Variants in BBS2 observed in about 807,000 individuals in gnomAD.
BBS2 encodes Bardet-Biedl syndrome 2, also known as BBSome complex member BBS2.
A neutral mutation model predicts 83.0 loss-of-function variants in BBS2; 62 were observed. The ratio of observed to expected loss-of-function variants is 0.75; its 90% CI spans 0.61 to 0.92. BBS2 has a LOEUF of 0.92. BBS2 is among the 40% of genes least tolerant of loss of function. The probability of loss-of-function intolerance (pLI) is 0.00; values close to 1 mark genes in which losing one functional copy is unlikely to be tolerated. For synonymous variants in BBS2, 303 were observed against 326.1 expected (o/e 0.93, Z 0.76); for missense variants, 784 against 901.0 (o/e 0.87, Z 1.66).
chr16:56,473,943 AT>A (rs1233897701), intron 17 of BBS2, among the ~76,000 whole-genome samples: 5 of 151,980 alleles, frequency 3.3e-5, no homozygotes, highest in African/African-American at 7.3e-5. Context: ...AGTAGCTGGG[AT>A]TACAGGCACA....
intron 14 of BBS2, 126 bp from the exon 15 acceptor site, chr16:56,497,205 A>T: frequency 1.3e-6 from 1 of 745,408 alleles, no homozygotes; most frequent in Admixed American, 1.9e-5. Context: ...ATACCAATTA[A>T]GCTACTTCCC....
At chr16:56,482,560 T>C (rs1963680589), downstream of BBS2, among the ~76,000 whole-genome samples, 1 of 152,138 alleles carries the variant, frequency 6.6e-6, no homozygotes, top group African/African-American at 2.4e-5. Flanking sequence ...AACAAAAGTA[T>C]TAGCATATTC....
intron 17 of BBS2, chr16:56,476,265 G>T (rs1963472828): frequency 1.3e-6 from 2 of 1,525,342 alleles, no homozygotes; most frequent in Admixed American, 3.8e-5. Context: ...AAGTCTGAAA[G>T]AGCTAAGCAT....
chr16:56,488,060 T>C (rs1288684758), intron 15 of BBS2, among the ~76,000 whole-genome samples: 2 of 152,210 alleles, frequency 1.3e-5, no homozygotes, highest in Non-Finnish European at 2.9e-5. Flanking sequence ...AAAAGTAGTA[T>C]ACAGTAGTTA....
intron 12 of BBS2, 120 bp from the exon 13 acceptor site, chr16:56,498,688 GTT>G: frequency 6.5e-7 from 1 of 1,538,318 alleles, no homozygotes; most frequent in East Asian, 2.5e-5. Context: ...CTTCTTTCTA[GTT>G]TTACTGCTTT....
At chr16:56,473,837 C>T (rs1015240825) in intron 17 of BBS2, among the ~76,000 whole-genome samples, 5 of 151,286 alleles carry the variant, frequency 3.3e-5, no homozygotes, top group African/African-American at 1.2e-4. Flanking sequence ...GGTGGACTCT[C>T]GCTCTGTCAC....
intron 1 of BBS2, among the ~76,000 whole-genome samples, chr16:56,517,589 C>T (rs1964787741): frequency 6.6e-6 from 1 of 152,216 alleles, no homozygotes; most frequent in South Asian, 2.1e-4. Flanking sequence ...AAAACACTTG[C>T]ATATTCAGTT....
intron 2 of BBS2, 145 bp from the exon 3 acceptor site, chr16:56,511,429 G>T: frequency 9.6e-7 from 1 of 1,036,536 alleles, no homozygotes; most frequent in Non-Finnish European, 1.5e-6. Flanking sequence ...CACATTAACT[G>T]GCCCACGCAC....
At chr16:56,500,025 TAAG>T in intron 11 of BBS2, 118 bp from the exon 12 acceptor site, 2 of 1,278,490 alleles carry the variant, frequency 1.6e-6, no homozygotes, top group East Asian at 4.7e-5. Context: ...GGGTTTCACT[TAAG>T]AAGGAACCCC....
intron 17 of BBS2, among the ~76,000 whole-genome samples, chr16:56,474,362 C>T (rs1430920066): frequency 1.4e-5 from 2 of 147,580 alleles, no homozygotes; most frequent in Non-Finnish European, 3.0e-5. Flanking sequence ...CTCTTGTTGC[C>T]CAGGCTGGAG....
intron 7 of BBS2, among the ~76,000 whole-genome samples, chr16:56,503,111 T>C (rs767676085): frequency 5.3e-5 from 8 of 152,196 alleles, no homozygotes; most frequent in Non-Finnish European, 1.0e-4. Context: ...CACAGCACAG[T>C]GCAAAAGGGC....
At chr16:56,505,807 A>C in intron 7 of BBS2, 143 bp downstream of exon 7, 1 of 691,546 alleles carries the variant, frequency 1.4e-6, no homozygotes, top group Non-Finnish European at 2.6e-6. Context: ...GAATGTGTCA[A>C]GATTATTAAG....
Position 56,497,702 on chromosome 16 carries a change from ACTACCACATTCTCACAAATGCAT to A in BBS2, c.1797+18_1797+40del, listed in dbSNP as rs761309170. 3 of 1,608,594 alleles carry A rather than the reference ACTACCACATTCTCACAAATGCAT, an allele frequency of 1.9e-6. No individual in the cohort carries two copies. Among genetic ancestry groups the A allele is most frequent in the Admixed American group, 1.7e-5 (1 of 60,004 alleles). ...CATTAATCTCCTCAAATATTATTAGACTACCACATTCTCACAAATGCATCTACCGCATTCCCTCACCTTAACTA... is the reference window on the plus strand; with the variant it reads ...CATTAATCTCCTCAAATATTATTAGACTACCGCATTCCCTCACCTTAACTA... On this transcript the variant is annotated intron_variant, in intron 14 of 16. Coordinates refer to ENST00000245157, the MANE Select transcript of BBS2 (RefSeq NM_031885.5).
At chr16:56,470,499 A>G in exon 18 of BBS2, 4 of 1,604,916 alleles carry the variant, frequency 2.5e-6, no homozygotes, top group Non-Finnish European at 2.5e-6. Flanking sequence ...TTTATGAGAA[A>G]GCTGAGGAGA....
At position 56,485,009 on chromosome 16, in the gene BBS2, A is replaced by T. The variant is rs1367287707; in HGVS notation, c.2060-142T>A. On this transcript the variant is annotated intron_variant, in intron 16 of 16. Coordinates refer to ENST00000245157, the MANE Select transcript of BBS2 (RefSeq NM_031885.5). ...ATTTATCTTACCATTCCCTAAAAAA[A>T]ATAACTTGGTGAGGGAATTATTGAA... The T allele has an allele frequency of 5.6e-6, 4 of 712,162 alleles. No homozygotes were observed. The Admixed American group carries it at 8.9e-5, about 16-fold the overall frequency. 44.1% of individuals were successfully genotyped at this position (712,162 alleles called of 1,614,324 possible).
chr16:56,502,448 A>G lies in BBS2; in HGVS notation c.949T>C (p.Tyr317His), dbSNP rs1964302034. 1 of 1,614,240 alleles carries G rather than the reference A, an allele frequency of 6.2e-7. No homozygotes were observed. Among genetic ancestry groups the G allele is most frequent in the East Asian group, 2.2e-5 (1 of 44,886 alleles). ...CTCATCTCAGCCGTGCCAGGCAGGT[A>G]GCCCCGGACTGAACAGAAGGAAAAA... The part of the protein sequence containing the change: ...CCSVDGEIRG[Y>H]LPGTAEMRGN... Residue 317 changes from tyrosine to histidine, a missense_variant, in exon 9 of 17, where the codon TAC becomes CAC. Transcript: ENST00000245157.
Position 56,511,178 on chromosome 16 carries a change from C to T in BBS2, c.452G>A (p.Gly151Glu). The T allele has an allele frequency of 6.2e-7, 1 of 1,614,128 alleles. No homozygotes were observed. The highest frequency in any genetic ancestry group is 1.1e-5 in the South Asian group (1 of 91,090). Residue 151 changes from glycine to glutamate, a missense_variant, in exon 3 of 17, where the codon GGA becomes GAA. By Grantham distance (98) the Gly-to-Glu change is moderately conservative. Transcript: ENST00000245157. ...NCALQGFNHEGSDLFWTVTGD... is the reference protein window; with the variant it reads ...NCALQGFNHEESDLFWTVTGD... ...TCATACCGTCCAAAAGAGATCACTT[C>T]CTTCATGATTGAAACCTTGCAGAGC...
In BBS2 at chr16:56,501,363, G is replaced by T. The variant is rs768053787; in HGVS notation, c.1215C>A (p.Ser405=). The stretch of plus-strand genomic sequence containing the variant: ...TGAGTACTGTCTTACCATTAGAAGT[G>T]GAAATGCGTAATTCTGTATGAGCAG... ...TQTAHTELRI[S]TSNDTIIRAV... is the part of the protein sequence containing the mutation. Residue 405 remains serine, a synonymous_variant, in exon 10 of 17, where the codon TCC becomes TCA. Transcript: ENST00000245157. 3.1e-6 allele frequency: 5 copies of T among 1,614,024 alleles called. No homozygotes were observed. In the South Asian group the frequency reaches 4.4e-5, roughly 14 times the overall value.
chr16:56,500,653 T>A, intron 11 of BBS2: 1 of 571,814 alleles, frequency 1.7e-6, no homozygotes, highest in African/African-American at 1.9e-5. Flanking sequence ...AGAACCATCT[T>A]AAACTTACAT....
Sources: allele counts gnomAD v4.1 joint callset (sites outside exome capture counted in the v4.1 genomes callset), GRCh38; gene constraint gnomAD v4.1.1; transcripts MANE v1.5; gene names NCBI Gene and HGNC (gene_info 2026-07-23, HGNC 2026-07-21).